Variants in RUNDC3B observed in about 807,000 individuals in gnomAD.
RUNDC3B encodes the protein RUN domain containing 3B.
In RUNDC3B, 33 loss-of-function variants were observed where a neutral mutation model predicts 58.4. The ratio of observed to expected loss-of-function variants is 0.56; its 90% CI spans 0.43 to 0.75. The LOEUF (loss-of-function observed/expected upper bound fraction) is 0.75, where lower values mean the gene tolerates loss of function less well. Ranked by LOEUF, RUNDC3B falls within the 30% of genes least tolerant of loss-of-function variation. The probability of loss-of-function intolerance (pLI) is 0.00; values close to 1 mark genes in which losing one functional copy is unlikely to be tolerated. For missense variants in RUNDC3B, 501 were observed against 535.7 expected (o/e 0.94, Z 0.64); for synonymous variants, 193 against 195.2 (o/e 0.99, Z 0.10).
chr7:87,767,401 T>C (rs989009614), intron 6 of RUNDC3B, among the ~76,000 whole-genome samples: 1 of 152,228 alleles, frequency 6.6e-6, no homozygotes, highest in Non-Finnish European at 1.5e-5. Context: ...CTAAGATCAT[T>C]TGGCTTCATT....
intron 8 of RUNDC3B, 116 bp downstream of exon 8, chr7:87,778,071 C>A: frequency 1.2e-6 from 1 of 808,974 alleles, no homozygotes; most frequent in Non-Finnish European, 1.9e-6. Flanking sequence ...AATTCTTTTT[C>A]ACCTACACTT....
At chr7:87,642,515 C>A (rs988042696) in intron 1 of RUNDC3B, among the ~76,000 whole-genome samples, 3 of 151,964 alleles carry the variant, frequency 2.0e-5, no homozygotes, top group South Asian at 2.1e-4. Context: ...ATTGGGAGTT[C>A]TTTCATATGA....
chr7:87,818,558 AAATAT>A (rs1215702512), intron 10 of RUNDC3B, among the ~76,000 whole-genome samples: 7 of 152,308 alleles, frequency 4.6e-5, no homozygotes, highest in Non-Finnish European at 8.8e-5. Flanking sequence ...TATCCTATAC[AAATAT>A]AATAAGAGAA....
intron 7 of RUNDC3B, among the ~76,000 whole-genome samples, chr7:87,776,900 T>C (rs1371686803): frequency 6.6e-6 from 1 of 151,996 alleles, no homozygotes; most frequent in Non-Finnish European, 1.5e-5. Flanking sequence ...TTAAAAAGAT[T>C]CTAATTAATA....
At chr7:87,640,220 A>G (rs1288261360) in intron 1 of RUNDC3B, among the ~76,000 whole-genome samples, 1 of 150,042 alleles carries the variant, frequency 6.7e-6, no homozygotes, top group African/African-American at 2.4e-5. Context: ...TAAATCTTAC[A>G]TTATTTTATT....
At chr7:87,815,893 T>G (rs1439522375) in intron 9 of RUNDC3B, among the ~76,000 whole-genome samples, 1 of 152,142 alleles carries the variant, frequency 6.6e-6, no homozygotes, top group Admixed American at 6.6e-5. Context: ...AAAATTGGTA[T>G]GAAGATTATG....
chr7:87,813,205 G>A (rs1563226255), intron 9 of RUNDC3B, among the ~76,000 whole-genome samples: 2 of 152,144 alleles, frequency 1.3e-5, no homozygotes, highest in African/African-American at 2.4e-5. Flanking sequence ...CTCAGTAATT[G>A]TTCACTAACT....
intron 4 of RUNDC3B, among the ~76,000 whole-genome samples, chr7:87,727,575 G>A (rs1358409851): frequency 6.7e-6 from 1 of 148,364 alleles, no homozygotes; most frequent in Non-Finnish European, 1.5e-5. Context: ...GCATGCATCT[G>A]TCATTAGCTA....
chr7:87,707,011 A>G (rs559672741), intron 3 of RUNDC3B, among the ~76,000 whole-genome samples: 3 of 152,296 alleles, frequency 2.0e-5, no homozygotes, highest in African/African-American at 4.8e-5. Flanking sequence ...CTGAAAGACA[A>G]TATCTTTGGA....
rs1466986375 is a variant in RUNDC3B, at chr7:87,770,620, T to G, written c.669T>G (p.Thr223=). 6 of 1,613,762 alleles carry G rather than the reference T, an allele frequency of 3.7e-6. No individual in the cohort carries two copies. The highest frequency in any genetic ancestry group is 5.1e-6 in the Non-Finnish European group (6 of 1,179,850). ...SISSDEEELR[T]LGSSGSESST... Reference sequence around the variant, plus strand: ...GCAGTGATGAGGAGGAGCTAAGGACTTTGGGAAGCAGTGGTAGCGAAAGCA... The same window carrying G: ...GCAGTGATGAGGAGGAGCTAAGGACGTTGGGAAGCAGTGGTAGCGAAAGCA... Residue 223 remains threonine (T), a synonymous_variant, in exon 7 of 11, where the codon ACT becomes ACG. Coordinates refer to ENST00000394654, the MANE Select transcript of RUNDC3B (RefSeq NM_001134405.2).
In RUNDC3B at chr7:87,817,281, C is replaced by G. The variant is rs1320865423; in HGVS notation, c.1225+1019C>G. ...TCTTCTCTATTACTGCAACCTTAGTCTCTGCCACTTGGAGCAAGCTGCTTG... is the reference window on the plus strand; with the variant it reads ...TCTTCTCTATTACTGCAACCTTAGTGTCTGCCACTTGGAGCAAGCTGCTTG... On this transcript the variant is annotated intron_variant, in intron 10 of 10. Coordinates refer to ENST00000394654, the MANE Select transcript of RUNDC3B (RefSeq NM_001134405.2). Among the ~76,000 whole-genome samples the G allele has an allele frequency of 2.0e-5, 3 of 152,308 alleles. No homozygotes were observed. In the East Asian group the frequency reaches 5.8e-4, roughly 29 times the overall value.
chr7:87,632,150 G>C (rs1007235329), intron 1 of RUNDC3B, among the ~76,000 whole-genome samples: 1 of 149,902 alleles, frequency 6.7e-6, no homozygotes, highest in Admixed American at 6.7e-5. Flanking sequence ...TCATTCTAGT[G>C]TATCCACTTA....
At chr7:87,736,206 A>G (rs1171413400) in intron 4 of RUNDC3B, among the ~76,000 whole-genome samples, 2 of 152,208 alleles carry the variant, frequency 1.3e-5, no homozygotes, top group Non-Finnish European at 2.9e-5. Flanking sequence ...TCTTTGGTTT[A>G]TAAGACAAGC....
At chr7:87,798,726 C>A (rs548732008) in intron 8 of RUNDC3B, among the ~76,000 whole-genome samples, 165 of 152,178 alleles carry the variant, frequency 1.1e-3, no homozygotes, top group South Asian at 2.3e-3. Context: ...ATGTCTCTTT[C>A]TTCTTAAAGG....
chr7:87,805,003 A>G (rs1361065546), intron 8 of RUNDC3B, among the ~76,000 whole-genome samples: 1 of 152,176 alleles, frequency 6.6e-6, no homozygotes, highest in Non-Finnish European at 1.5e-5. Flanking sequence ...AACCACAATC[A>G]ATTCTTGTGC....
In RUNDC3B at chr7:87,692,583, C is replaced by T. The variant is rs184740886; in HGVS notation, c.239-7838C>T. Among the ~76,000 whole-genome samples, 5 of 152,214 alleles carry T rather than the reference C, an allele frequency of 3.3e-5. No homozygotes were observed. The East Asian group carries it at 7.7e-4, about 24-fold the overall frequency. ...CTGGTCATGATATGCTTATTTGGTA[C>T]ATTTTTGTAGTAAAATTTCTTTAAG... On this transcript the variant is annotated intron_variant, in intron 2 of 10. Transcript: ENST00000394654.
At chr7:87,801,456 T>C (rs950419830) in intron 8 of RUNDC3B, among the ~76,000 whole-genome samples, 3 of 152,160 alleles carry the variant, frequency 2.0e-5, no homozygotes, top group African/African-American at 7.2e-5. Flanking sequence ...GATGAGCCTC[T>C]ATTTAAAAAT....
At chr7:87,667,395 A>C (rs553634205) in intron 2 of RUNDC3B, among the ~76,000 whole-genome samples, 1 of 150,930 alleles carries the variant, frequency 6.6e-6, no homozygotes, top group African/African-American at 2.4e-5. Flanking sequence ...GGCCAAGACT[A>C]TGTTTTTTTT....
chr7:87,807,602 T>C, intron 9 of RUNDC3B, 83 bp downstream of exon 9: 1 of 992,232 alleles, frequency 1.0e-6, no homozygotes, highest in Non-Finnish European at 1.6e-6. Context: ...TTCTCAGTTA[T>C]TCTTTCTGAA....
Sources: allele counts gnomAD v4.1 joint callset (sites outside exome capture counted in the v4.1 genomes callset), GRCh38; gene constraint gnomAD v4.1.1; transcripts MANE v1.5; gene names NCBI Gene and HGNC (gene_info 2026-07-23, HGNC 2026-07-21).